GPC5: variants seen among roughly 807,000 people sequenced by gnomAD.
The protein encoded by GPC5 is glypican 5, also known as glypican-5.
GPC5 carries 47 observed loss-of-function variants against 53.9 expected under a neutral mutation model. The observed-to-expected ratio is 0.87, with a 90% CI of 0.69 to 1.11. GPC5 has a LOEUF of 1.11. GPC5 is among the 50% of genes most tolerant of loss of function. GPC5 has a pLI of 0.00. For missense variants in GPC5, 748 were observed against 713.1 expected (o/e 1.05, Z -0.56); for synonymous variants, 286 against 263.3 (o/e 1.09, Z -0.84).
intron 7 of GPC5, among the ~76,000 whole-genome samples, chr13:92,754,256 A>C (rs892299583): frequency 3.5e-4 from 54 of 152,314 alleles, no homozygotes; most frequent in African/African-American, 1.3e-3. Flanking sequence ...GAGAAATAAA[A>C]TATTTTACAG....
chr13:92,483,402 T>C (rs1397674269), intron 7 of GPC5, among the ~76,000 whole-genome samples: 1 of 152,162 alleles, frequency 6.6e-6, no homozygotes, highest in Non-Finnish European at 1.5e-5. Context: ...GGTAAGTATT[T>C]GTGTCTCTAA....
intron 5 of GPC5, among the ~76,000 whole-genome samples, chr13:91,807,408 G>C (rs2038239329): frequency 6.6e-6 from 1 of 152,160 alleles, no homozygotes; most frequent in South Asian, 2.1e-4. Context: ...GTAAGTAGAG[G>C]AGGCACATTG....
intron 7 of GPC5, among the ~76,000 whole-genome samples, chr13:92,799,215 C>T (rs1404698012): frequency 6.6e-6 from 1 of 151,702 alleles, no homozygotes; most frequent in Admixed American, 6.6e-5. Flanking sequence ...TTCACATACT[C>T]TGAAATGCCT....
intron 7 of GPC5, among the ~76,000 whole-genome samples, chr13:92,555,147 AT>A (rs945286704): frequency 8.6e-5 from 13 of 151,462 alleles, no homozygotes; most frequent in African/African-American, 2.9e-4. Flanking sequence ...TGGAATGTAA[AT>A]TGTATCCCAG....
intron 7 of GPC5, among the ~76,000 whole-genome samples, chr13:92,167,339 G>T (rs2042039033): frequency 6.6e-6 from 1 of 152,128 alleles, no homozygotes; most frequent in Non-Finnish European, 1.5e-5. Flanking sequence ...AAAACAAATT[G>T]TATATGGTTT....
chr13:92,122,169 T>C (rs1196929378), intron 6 of GPC5, among the ~76,000 whole-genome samples: 1 of 152,142 alleles, frequency 6.6e-6, no homozygotes, highest in African/African-American at 2.4e-5. Flanking sequence ...AAAGAAATTG[T>C]ATGTGGAGAG....
intron 6 of GPC5, among the ~76,000 whole-genome samples, chr13:91,978,524 G>A (rs979279269): frequency 1.3e-5 from 2 of 152,184 alleles, no homozygotes; most frequent in East Asian, 1.9e-4. Context: ...AGTTATGCAA[G>A]TGAGGCTAGG....
chr13:92,498,348 G>T (rs964217322), intron 7 of GPC5, among the ~76,000 whole-genome samples: 2 of 152,048 alleles, frequency 1.3e-5, no homozygotes, highest in South Asian at 2.1e-4. Context: ...GGATTTACAC[G>T]CATGCTCACT....
intron 7 of GPC5, chr13:92,448,088 A>C (rs996503392): frequency 3.9e-5 from 6 of 152,140 alleles, no homozygotes; most frequent in African/African-American, 1.4e-4. Flanking sequence ...TTGTTTTCCA[A>C]AGGGAAACAT....
intron 7 of GPC5, among the ~76,000 whole-genome samples, chr13:92,782,633 C>A (rs1566416328): frequency 6.6e-6 from 1 of 152,126 alleles, no homozygotes; most frequent in African/African-American, 2.4e-5. Flanking sequence ...ATTATAAGCT[C>A]ATTATTTTCT....
chr13:91,861,382 T>C lies in GPC5; in HGVS notation c.1281-46555T>C, dbSNP rs183762708. Among the ~76,000 whole-genome samples, 520 of 152,304 alleles carry C rather than the reference T, an allele frequency of 3.4e-3. 2 individuals are homozygous for C. The highest frequency in any genetic ancestry group is 0.012 in the African/African-American group (503 of 41,582). ...TCTGCTTACTTTCCTTCATGAATTA[T>C]GAGGCTTTATTATTAAGTCAGTGCC... On this transcript the variant is annotated intron_variant, in intron 5 of 7. Coordinates refer to ENST00000377067, the MANE Select transcript of GPC5 (RefSeq NM_004466.6).
intron 6 of GPC5, among the ~76,000 whole-genome samples, chr13:92,025,001 A>T (rs2040789023): frequency 6.6e-6 from 1 of 152,132 alleles, no homozygotes; most frequent in Non-Finnish European, 1.5e-5. Context: ...ATACATCAAA[A>T]ACAGCCTTTC....
intron 2 of GPC5, among the ~76,000 whole-genome samples, chr13:91,682,641 G>C (rs2035533830): frequency 6.6e-6 from 1 of 152,182 alleles, no homozygotes; most frequent in Non-Finnish European, 1.5e-5. Flanking sequence ...TGCCTCAACA[G>C]ATTCATGAGC....
intron 2 of GPC5, among the ~76,000 whole-genome samples, chr13:91,579,624 C>CTTTTTTTTTTTTTTTTTTTTT (rs3055895): frequency 1.9e-5 from 2 of 102,602 alleles, no homozygotes; most frequent in African/African-American, 3.3e-5. Context: ...TTTTCTTTTT[C>CTTTTTTTTTTTTTTTTTTTTT]TTTTTTTTTT....
At chr13:92,303,320 GT>G (rs1013535837) in intron 7 of GPC5, among the ~76,000 whole-genome samples, 13 of 152,116 alleles carry the variant, frequency 8.5e-5, no homozygotes, top group African/African-American at 2.7e-4. Context: ...GAGAAATTAA[GT>G]TTACTATAAC....
intron 7 of GPC5, among the ~76,000 whole-genome samples, chr13:92,260,514 T>C (rs965797592): frequency 2.6e-5 from 4 of 152,130 alleles, no homozygotes; most frequent in Admixed American, 1.3e-4. Flanking sequence ...TTCACTGAGC[T>C]CCCTCTGTTC....
chr13:91,961,414 C>T (rs751893288), intron 6 of GPC5, among the ~76,000 whole-genome samples: 1 of 151,708 alleles, frequency 6.6e-6, no homozygotes, highest in Non-Finnish European at 1.5e-5. Context: ...TGATTGATGC[C>T]CCAGGTGACT....
At chr13:92,045,474 G>T (rs188162429) in intron 6 of GPC5, among the ~76,000 whole-genome samples, 281 of 152,158 alleles carry the variant, frequency 1.8e-3, no homozygotes, top group Non-Finnish European at 2.9e-3. Flanking sequence ...TATTTTATGG[G>T]CTTGCTGAAC....
chr13:92,666,075 A>G (rs1166003661), intron 7 of GPC5, among the ~76,000 whole-genome samples: 2 of 152,234 alleles, frequency 1.3e-5, no homozygotes, highest in East Asian at 1.9e-4. Flanking sequence ...ATTGCTTTAT[A>G]TTGAAAAAAT....
Sources: allele counts gnomAD v4.1 joint callset (sites outside exome capture counted in the v4.1 genomes callset), GRCh38; gene constraint gnomAD v4.1.1; transcripts MANE v1.5; gene names NCBI Gene and HGNC (gene_info 2026-07-23, HGNC 2026-07-21).